WDFY3: variants seen among roughly 807,000 people sequenced by gnomAD.
WDFY3 encodes WD repeat and FYVE domain containing 3.
A neutral mutation model predicts 409.6 loss-of-function variants in WDFY3; 66 were observed. The ratio of observed to expected loss-of-function variants is 0.16; its 90% confidence interval spans 0.13 to 0.20. The LOEUF (loss-of-function observed/expected upper bound fraction) is 0.20, where lower values mean the gene tolerates loss of function less well. WDFY3 is among the 10% of genes least tolerant of loss of function. The probability of loss-of-function intolerance (pLI) is 1.00; values close to 1 mark genes in which losing one functional copy is unlikely to be tolerated. For missense variants in WDFY3, 3,031 were observed against 4,298.1 expected (o/e 0.71, Z 8.24); for synonymous variants, 1,521 against 1,537.1 (o/e 0.99, Z 0.25).
chr4:84,832,202 T>G (rs554727399), intron 7 of WDFY3, among the ~76,000 whole-genome samples: 7 of 152,266 alleles, frequency 4.6e-5, no homozygotes, highest in Non-Finnish European at 8.8e-5. Context: ...TGGATAAGCT[T>G]GGAGGACATT....
At chr4:84,783,133 T>C in intron 24 of WDFY3, 59 bp from the exon 25 acceptor site, 1 of 1,484,888 alleles carries the variant, frequency 6.7e-7, no homozygotes, top group Non-Finnish European at 9.3e-7. Context: ...ATGTTTTGAT[T>C]GGAAAAGAAA....
At chr4:84,801,527 TTGTTA>T (rs1750562749) in intron 17 of WDFY3, 118 bp downstream of exon 17, 4 of 946,092 alleles carry the variant, frequency 4.2e-6, no homozygotes, top group Non-Finnish European at 6.0e-6. Flanking sequence ...TTGTCCATTT[TTGTTA>T]TATTTTGCCC....
chr4:84,836,662 C>T (rs912017746), intron 7 of WDFY3, among the ~76,000 whole-genome samples: 5 of 152,004 alleles, frequency 3.3e-5, no homozygotes, highest in African/African-American at 7.3e-5. Context: ...ATTTTACAGA[C>T]ATTCTGATAT....
intron 19 of WDFY3, among the ~76,000 whole-genome samples, chr4:84,796,305 T>G (rs904478391): frequency 6.6e-6 from 1 of 152,052 alleles, no homozygotes; most frequent in Non-Finnish European, 1.5e-5. Context: ...CCTAAGATTT[T>G]GGATTCCTAT....
At chr4:84,945,387 G>C (rs781241094) in intron 1 of WDFY3, among the ~76,000 whole-genome samples, 3 of 152,130 alleles carry the variant, frequency 2.0e-5, no homozygotes, top group Non-Finnish European at 2.9e-5. Context: ...TTCACTATAA[G>C]AAACACCAAT....
intron 61 of WDFY3, among the ~76,000 whole-genome samples, chr4:84,689,473 G>C (rs1302211994): frequency 3.3e-5 from 5 of 152,158 alleles, no homozygotes; most frequent in Non-Finnish European, 7.3e-5. Context: ...CTTGTAATCT[G>C]TTCACTTCAA....
chr4:84,883,830 G>A (rs1189719912), intron 3 of WDFY3, among the ~76,000 whole-genome samples: 2 of 152,062 alleles, frequency 1.3e-5, no homozygotes, highest in African/African-American at 2.4e-5. Flanking sequence ...CCAATATCTA[G>A]GCTTTTGAAT....
intron 1 of WDFY3, among the ~76,000 whole-genome samples, chr4:84,937,042 C>T (rs1046557631): frequency 1.3e-5 from 2 of 152,142 alleles, no homozygotes; most frequent in African/African-American, 2.4e-5. Flanking sequence ...CCTTATATGC[C>T]TCTAGATGAT....
chr4:84,929,201 A>C (rs945212297), intron 2 of WDFY3, among the ~76,000 whole-genome samples: 1 of 152,174 alleles, frequency 6.6e-6, no homozygotes, highest in African/African-American at 2.4e-5. Context: ...CCCACTAAGG[A>C]ACTGGGTCCC....
At chr4:84,742,714 C>T (rs1322690660) in intron 37 of WDFY3, among the ~76,000 whole-genome samples, 2 of 152,182 alleles carry the variant, frequency 1.3e-5, no homozygotes, top group African/African-American at 2.4e-5. Flanking sequence ...CAGGGTTGCA[C>T]AGTCCTTCCG....
chr4:84,850,928 GTTTTTTTTTTTTTTTTTTTTTTTT>G (rs869074191), intron 4 of WDFY3, among the ~76,000 whole-genome samples: 1,177 of 46,268 alleles, frequency 0.025, 27 homozygotes, highest in African/African-American at 0.096. Context: ...TTATTTATCT[GTTTTTTTTTTTTTTTTTTTTTTTT>G]TTTTTTTTTT....
At chr4:84,772,744 C>G (rs1384170351) in intron 30 of WDFY3, 91 bp downstream of exon 30, 1 of 953,994 alleles carries the variant, frequency 1.0e-6, no homozygotes, top group African/African-American at 1.7e-5. Context: ...TATATATAAT[C>G]ACATGTAATT....
chr4:84,697,040 G>GC (rs2148896627), intron 56 of WDFY3, among the ~76,000 whole-genome samples: 1 of 152,214 alleles, frequency 6.6e-6, no homozygotes, highest in South Asian at 2.1e-4. Context: ...CAAAACTGAG[G>GC]CCCTCACTGC....
chr4:84,736,140 C>T (rs566363738), intron 42 of WDFY3, 30 bp downstream of exon 42: 1 of 1,592,588 alleles, frequency 6.3e-7, no homozygotes, highest in African/African-American at 1.4e-5. Flanking sequence ...AATACTACAA[C>T]TAATATCAGC....
In WDFY3 at chr4:84,688,116, T is replaced by C. The variant is rs1408118462; in HGVS notation, c.9513A>G (p.Pro3171=). The C allele has an allele frequency of 6.2e-7, 1 of 1,614,114 alleles. No homozygotes were observed. ...ATTCATTGATACAAAGAGCAGAAAC[T>C]GGAGCTCGATGCCCTCGAAGCTGGG... ...FLTQLRGHRA[P]VSALCINELT... is the part of the protein sequence containing the mutation. The change falls in exon 62 of 68, where the codon CCA becomes CCG. Residue 3171 remains proline (P), a synonymous_variant. Transcript: ENST00000295888.
At chr4:84,965,330 T>C (rs954260858) in intron 1 of WDFY3, among the ~76,000 whole-genome samples, 8 of 152,252 alleles carry the variant, frequency 5.3e-5, no homozygotes, top group Admixed American at 2.6e-4. Flanking sequence ...GTTTTTCGTA[T>C]GCATGAGCAC....
intron 2 of WDFY3, among the ~76,000 whole-genome samples, chr4:84,920,371 C>A (rs1382363829): frequency 6.6e-6 from 1 of 152,024 alleles, no homozygotes; most frequent in Non-Finnish European, 1.5e-5. Flanking sequence ...GAAATCTACA[C>A]AAAAACATTT....
At chr4:84,947,514 AAATAAT>A (rs200130662) in intron 1 of WDFY3, among the ~76,000 whole-genome samples, 17 of 140,538 alleles carry the variant, frequency 1.2e-4, no homozygotes, top group East Asian at 2.1e-4. Context: ...TCCGTCTCAA[AAATAAT>A]AATAATAATA....
intron 32 of WDFY3, among the ~76,000 whole-genome samples, chr4:84,761,252 T>C (rs899203719): frequency 6.6e-5 from 10 of 152,142 alleles, no homozygotes; most frequent in African/African-American, 1.2e-4. Context: ...GGAATAGGTG[T>C]GGTGTGTTGC....
Sources: gnomAD v4.1 joint callset for allele counts (sites outside exome capture counted in the v4.1 genomes callset) on GRCh38, gnomAD v4.1.1 for gene constraint, MANE v1.5 for transcripts, NCBI Gene and HGNC (gene_info 2026-07-23, HGNC 2026-07-21) for gene names.